The following ARIH2 variants were observed in gnomAD, a reference collection of about 807,000 sequenced individuals.
ARIH2 encodes the protein ariadne RBR E3 ubiquitin protein ligase 2.
ARIH2 carries 12 observed loss-of-function variants against 79.8 expected under a neutral mutation model. That is an observed-to-expected ratio of 0.15 (90% confidence interval 0.10 to 0.24). The LOEUF is 0.24. Ranked by LOEUF, ARIH2 falls within the 10% of genes least tolerant of loss-of-function variation. The probability of loss-of-function intolerance (pLI) is 1.00; values close to 1 mark genes in which losing one functional copy is unlikely to be tolerated. For missense variants in ARIH2, 301 were observed against 618.3 expected (o/e 0.49, Z 5.44); for synonymous variants, 224 against 213.9 (o/e 1.05, Z -0.41).
chr3:48,919,353 G>A, intron 1 of ARIH2: 1 of 612,722 alleles, frequency 1.6e-6, no homozygotes, highest in Non-Finnish European at 2.4e-6. Flanking sequence ...CTCTCGCAGC[G>A]CTGCCCGCGC....
intron 2 of ARIH2, among the ~76,000 whole-genome samples, chr3:48,925,756 G>A (rs1347278545): frequency 7.0e-6 from 1 of 142,160 alleles, no homozygotes; most frequent in African/African-American, 2.6e-5. Context: ...GTCTCACTCT[G>A]TTGCCAGGCT....
At chr3:48,929,870 A>T (rs2086141317) in intron 3 of ARIH2, among the ~76,000 whole-genome samples, 1 of 152,188 alleles carries the variant, frequency 6.6e-6, no homozygotes, top group African/African-American at 2.4e-5. Context: ...CCTGTTGGAA[A>T]TGAAATGAAA....
At chr3:48,974,902 A>G (rs1399976514) in intron 10 of ARIH2, 35 bp downstream of exon 10, 12 of 1,614,202 alleles carry the variant, frequency 7.4e-6, no homozygotes, top group Non-Finnish European at 8.5e-6. Flanking sequence ...CATGTGTGAC[A>G]TGGAAGCTTT....
intron 3 of ARIH2, among the ~76,000 whole-genome samples, chr3:48,948,429 C>T (rs913549710): frequency 6.6e-6 from 1 of 151,692 alleles, no homozygotes; most frequent in Non-Finnish European, 1.5e-5. Context: ...CCACCACGCC[C>T]GGCTAATTTT....
At chr3:48,947,669 G>A (rs1459885904) in intron 3 of ARIH2, among the ~76,000 whole-genome samples, 1 of 152,104 alleles carries the variant, frequency 6.6e-6, no homozygotes, top group African/African-American at 2.4e-5. Flanking sequence ...TAATATAAGG[G>A]TCAACCCTTT....
intron 11 of ARIH2, 193 bp downstream of exon 11, chr3:48,975,172 A>C (rs1383087551): frequency 1.2e-6 from 1 of 825,644 alleles, no homozygotes; most frequent in East Asian, 2.7e-5. Flanking sequence ...TTATAATCCC[A>C]CTGCTATCTT....
intron 3 of ARIH2, among the ~76,000 whole-genome samples, chr3:48,940,808 A>AAATATATAT (rs759369585): frequency 2.5e-3 from 246 of 98,044 alleles, no homozygotes; most frequent in Non-Finnish European, 3.3e-3. Context: ...AAAAAAAAAA[A>AAATATATAT]ATATATATAT....
At chr3:48,939,217 C>A (rs1311131719) in intron 3 of ARIH2, among the ~76,000 whole-genome samples, 1 of 152,066 alleles carries the variant, frequency 6.6e-6, no homozygotes, top group Non-Finnish European at 1.5e-5. Flanking sequence ...ACCTGCCTGC[C>A]TCGGCCTCCC....
At chr3:48,980,788 A>C (rs974179918) in intron 13 of ARIH2, among the ~76,000 whole-genome samples, 1 of 152,048 alleles carries the variant, frequency 6.6e-6, no homozygotes, top group Non-Finnish European at 1.5e-5. Context: ...GGAAAATAAA[A>C]GATTGTCTGA....
chr3:48,924,184 T>G (rs1247907494), intron 2 of ARIH2, among the ~76,000 whole-genome samples: 2 of 151,956 alleles, frequency 1.3e-5, no homozygotes, highest in East Asian at 3.9e-4. Context: ...TTGGTAGACG[T>G]GAGTGTCACT....
chr3:48,923,380 A>G (rs2085099534), intron 2 of ARIH2, among the ~76,000 whole-genome samples: 1 of 151,074 alleles, frequency 6.6e-6, no homozygotes. Context: ...AGCCAGGGTG[A>G]CAGAGTGAGA....
rs772190918 is a variant in ARIH2 at position 48,975,562 on chromosome 3, GTTTC to G, written c.961+587_961+590del. On this transcript the variant is annotated intron_variant, in intron 11 of 15. Transcript: ENST00000356401. Reference sequence around the variant, plus strand: ...TGATGCTCAACAGGAGCCCCTGACAGTTTCTTTTTTTTTTTTTTGGGAGAAGGAG... The same window carrying G: ...TGATGCTCAACAGGAGCCCCTGACAGTTTTTTTTTTTTTTGGGAGAAGGAG... Among the ~76,000 whole-genome samples the G allele has an allele frequency of 3.3e-5, 5 of 151,374 alleles. No homozygotes were observed. The East Asian group carries it at 7.8e-4, about 24-fold the overall frequency.
intron 8 of ARIH2, among the ~76,000 whole-genome samples, chr3:48,971,768 T>C (rs1376867622): frequency 3.3e-5 from 5 of 152,204 alleles, no homozygotes; most frequent in Non-Finnish European, 5.9e-5. Context: ...AGTGGTTCTT[T>C]CATTTTAAAT....
At chr3:48,978,459 G>A (rs375008558) in intron 11 of ARIH2, among the ~76,000 whole-genome samples, 95 of 103,986 alleles carry the variant, frequency 9.1e-4, no homozygotes, top group African/African-American at 2.7e-3. Flanking sequence ...GTGTGTGTGT[G>A]TGTGTGTATA....
At chr3:48,944,498 A>T (rs1448159164) in intron 3 of ARIH2, among the ~76,000 whole-genome samples, 2 of 152,314 alleles carry the variant, frequency 1.3e-5, no homozygotes, top group Admixed American at 6.5e-5. Flanking sequence ...AAAAACATAT[A>T]TAACATTTGG....
chr3:48,977,735 G>C (rs923309416), intron 11 of ARIH2, among the ~76,000 whole-genome samples: 3 of 152,156 alleles, frequency 2.0e-5, no homozygotes, highest in Non-Finnish European at 2.9e-5. Context: ...TGGATTACAG[G>C]CGTGAGGCAC....
At chr3:48,923,835 A>G (rs1350017733) in intron 2 of ARIH2, among the ~76,000 whole-genome samples, 1 of 152,074 alleles carries the variant, frequency 6.6e-6, no homozygotes, top group African/African-American at 2.4e-5. Flanking sequence ...TTTTTATTAT[A>G]TAAAAATGTG....
At position 48,934,860 on chromosome 3, in the gene ARIH2, G is replaced by C. The variant is rs992646566; in HGVS notation, c.255+7047G>C. On this transcript the variant is annotated intron_variant, in intron 3 of 15. Coordinates refer to ENST00000356401, the MANE Select transcript of ARIH2 (RefSeq NM_006321.4). ...CTTCCAGAAAAGAAGCTCTTCATCA[G>C]ATTCAAGGCCAGCTTTCATTCTAGT... The C allele has an allele frequency of 1.4e-5, 14 of 985,260 alleles. No individual in the cohort carries two copies. In the African/African-American group the frequency reaches 2.4e-4, roughly 17 times the overall value. 61.0% of individuals were successfully genotyped at this position (985,260 alleles called of 1,614,324 possible). A position where few individuals can be genotyped will look rare whatever the true frequency, so the allele number is the denominator to read the frequency against.
intron 3 of ARIH2, among the ~76,000 whole-genome samples, chr3:48,954,581 A>G (rs2090368793): frequency 6.6e-6 from 1 of 152,310 alleles, no homozygotes; most frequent in Non-Finnish European, 1.5e-5. Context: ...CCAGCCTGTA[A>G]GTATTCTTTA....
Sources: gnomAD v4.1 joint callset for allele counts (sites outside exome capture counted in the v4.1 genomes callset) on GRCh38, gnomAD v4.1.1 for gene constraint, MANE v1.5 for transcripts, NCBI Gene and HGNC (gene_info 2026-07-23, HGNC 2026-07-21) for gene names.